The following KIF2A variants were observed in gnomAD, a reference collection of about 807,000 sequenced individuals.
KIF2A encodes kinesin family member 2A, also known as kinesin-like protein KIF2A.
In KIF2A, 22 loss-of-function variants were observed where a neutral mutation model predicts 100.2. The observed-to-expected ratio is 0.22, with a 90% CI of 0.16 to 0.31. The LOEUF is 0.31. KIF2A is among the 10% of genes least tolerant of loss of function. The pLI, the probability that KIF2A is intolerant of heterozygous loss-of-function variation, is 1.00. For synonymous variants in KIF2A, 268 were observed against 285.9 expected, an observed-to-expected ratio of 0.94 and a Z score of 0.63; for missense variants, 495 against 898.7, an observed-to-expected ratio of 0.55 and a Z score of 5.74.
At chr5:62,323,284 A>G (rs926718853) in intron 1 of KIF2A, among the ~76,000 whole-genome samples, 5 of 151,876 alleles carry the variant, frequency 3.3e-5, no homozygotes, top group African/African-American at 1.2e-4. Context: ...GAAAGATGGA[A>G]AAATAAATGT....
At chr5:62,341,349 G>A (rs1225343757) in intron 1 of KIF2A, among the ~76,000 whole-genome samples, 1 of 151,394 alleles carries the variant, frequency 6.6e-6, no homozygotes, top group South Asian at 2.1e-4. Context: ...TGCCCAAGCT[G>A]GAGTGCCGTG....
chr5:62,348,262 G>GT (rs1331162098), intron 3 of KIF2A, 95 bp downstream of exon 3: 2 of 1,305,008 alleles, frequency 1.5e-6, no homozygotes, highest in Non-Finnish European at 2.1e-6. Context: ...GCTTTGAAGA[G>GT]TTTAAGAATT....
At chr5:62,363,355 G>A (rs769229695) in intron 13 of KIF2A, 35 bp downstream of exon 13, 11 of 1,590,904 alleles carry the variant, frequency 6.9e-6, no homozygotes, top group Non-Finnish European at 9.4e-6. Flanking sequence ...GGAAACATCA[G>A]TTTTAGAAAC....
chr5:62,323,387 G>T (rs1232547305), intron 1 of KIF2A, among the ~76,000 whole-genome samples: 79 of 152,070 alleles, frequency 5.2e-4, no homozygotes, highest in Non-Finnish European at 1.5e-4. Context: ...GCCGGGCGCG[G>T]CGGCGGGCGC....
intron 1 of KIF2A, among the ~76,000 whole-genome samples, chr5:62,341,977 G>T (rs994485866): frequency 6.6e-6 from 1 of 151,654 alleles, no homozygotes; most frequent in African/African-American, 2.4e-5. Context: ...CCTCAACCAC[G>T]GCCTCTTCAT....
In KIF2A at chr5:62,373,767, A is replaced by G; in HGVS notation, c.1841A>G (p.Asp614Gly). The G allele has an allele frequency of 1.2e-6, 2 of 1,613,144 alleles. No individual in the cohort carries two copies. Among genetic ancestry groups the G allele is most frequent in the South Asian group, 1.1e-5 (1 of 91,064 alleles). Reference sequence around the variant, plus strand: ...CACCATCCACCAAACCAGATTGATGACTTAGAGACACAGTGGGGTGTGGGG... The same window carrying G: ...CACCATCCACCAAACCAGATTGATGGCTTAGAGACACAGTGGGGTGTGGGG... ...IMHHPPNQID[D>G]LETQWGVGSS... is the part of the protein sequence containing the mutation. Residue 614 changes from aspartate (D) to glycine (G), a missense_variant, in exon 18 of 21, where the codon GAC (aspartate) becomes GGC (glycine). Around this residue, in one of 10 missense-constraint regions of KIF2A, gnomAD observed 100 missense variants for 138.2 expected, o/e 0.72. Transcript: ENST00000407818.
At chr5:62,367,719 T>C (rs551915584) in intron 16 of KIF2A, among the ~76,000 whole-genome samples, 2 of 152,342 alleles carry the variant, frequency 1.3e-5, no homozygotes, top group East Asian at 3.9e-4. Flanking sequence ...GAAATGCCTT[T>C]GGAACTTTGA....
rs1408051142 is a variant in KIF2A at position 62,388,231 on chromosome 5, A to G, written c.*2662A>G. On this transcript the variant is annotated 3_prime_UTR_variant, in exon 21 of 21. Coordinates refer to ENST00000407818, the MANE Select transcript of KIF2A (RefSeq NM_001098511.3). ...GAAATGGCTGTTTTTCTGAAGTTGA[A>G]ACCAGTTTCAATTACAAAACCCTCT... is the stretch of plus-strand genomic sequence containing the variant. 2 of 152,204 alleles carry G rather than the reference A, an allele frequency of 1.3e-5. No homozygotes were observed. The highest frequency in any genetic ancestry group is 3.8e-4 in the East Asian group (2 of 5,206). The allele number at this position is 152,204 out of a possible 1,614,324, so 9.4% of individuals were successfully genotyped here. A position where few individuals can be genotyped will look rare whatever the true frequency, so the allele number is the denominator to read the frequency against.
intron 16 of KIF2A, among the ~76,000 whole-genome samples, chr5:62,368,429 A>G: frequency 6.6e-6 from 1 of 152,160 alleles, no homozygotes; most frequent in Non-Finnish European, 1.5e-5. Flanking sequence ...GTTGGACAAT[A>G]TCAACCTATT....
intron 4 of KIF2A, 33 bp downstream of exon 4, chr5:62,350,153 A>G (rs1190849047): frequency 1.6e-6 from 2 of 1,289,350 alleles, no homozygotes; most frequent in African/African-American, 1.5e-5. Flanking sequence ...AATTTTGGCT[A>G]TTGACTTCTT....
chr5:62,367,553 C>A (rs1443471893), intron 16 of KIF2A, among the ~76,000 whole-genome samples: 3 of 152,106 alleles, frequency 2.0e-5, no homozygotes, highest in African/African-American at 7.2e-5. Context: ...AGGCGTGAGC[C>A]ACCCCGCCTG....
intron 11 of KIF2A, chr5:62,362,230 A>AAC (rs930950596): frequency 3.5e-5 from 6 of 172,740 alleles, no homozygotes; most frequent in Non-Finnish European, 7.5e-5. Flanking sequence ...TATAAATATT[A>AAC]ATATATATAA....
At chr5:62,371,365 A>G (rs1741317706) in intron 16 of KIF2A, among the ~76,000 whole-genome samples, 1 of 152,262 alleles carries the variant, frequency 6.6e-6, no homozygotes, top group Admixed American at 6.5e-5. Flanking sequence ...ATTAACCAAT[A>G]GGTCAAAGAA....
chr5:62,328,499 TC>T (rs761149521), intron 1 of KIF2A, among the ~76,000 whole-genome samples: 6 of 150,686 alleles, frequency 4.0e-5, no homozygotes, highest in Non-Finnish European at 4.4e-5. Flanking sequence ...GATTTAATAC[TC>T]TTTTTTTTGA....
intron 9 of KIF2A, among the ~76,000 whole-genome samples, chr5:62,359,179 A>G (rs1276134757): frequency 6.6e-6 from 1 of 152,168 alleles, no homozygotes; most frequent in Non-Finnish European, 1.5e-5. Context: ...TGGTATCTCA[A>G]ATTTTTATGC....
chr5:62,349,145 T>C (rs1217629733), intron 3 of KIF2A, among the ~76,000 whole-genome samples: 4 of 152,196 alleles, frequency 2.6e-5, no homozygotes, highest in Admixed American at 2.0e-4. Flanking sequence ...GGGATCTTCA[T>C]TGGAGGATTT....
chr5:62,316,979 ATG>A (rs1745846384), intron 1 of KIF2A, among the ~76,000 whole-genome samples: 1 of 152,056 alleles, frequency 6.6e-6, no homozygotes, highest in Non-Finnish European at 1.5e-5. Flanking sequence ...CTATTGGCCA[ATG>A]TTAGAAGAAA....
At position 62,390,956 on chromosome 5, in the gene KIF2A, T is replaced by C. The variant is rs759545716; in HGVS notation, c.*5387T>C. 3 of 1,613,088 alleles carry C rather than the reference T, an allele frequency of 1.9e-6. No homozygotes were observed. Among genetic ancestry groups the C allele is most frequent in the South Asian group, 2.2e-5 (2 of 91,042 alleles). ...TGGTTAGGATTTGCTGTATTTTATC[T>C]GCTATGCTGAAATCTTCTGGTATTA... On this transcript the variant is annotated 3_prime_UTR_variant, in exon 21 of 21. Transcript: ENST00000407818.
chr5:62,378,301 T>C (rs1260844653), intron 19 of KIF2A, among the ~76,000 whole-genome samples: 4 of 152,214 alleles, frequency 2.6e-5, no homozygotes, highest in Non-Finnish European at 4.4e-5. Flanking sequence ...ATTTACTATA[T>C]GATACTCTAC....
Sources: gnomAD v4.1 joint callset for allele counts (sites outside exome capture counted in the v4.1 genomes callset) on GRCh38, gnomAD v4.1.1 for gene constraint, gnomAD v4.1.1 regional missense constraint, MANE v1.5 for transcripts, NCBI Gene and HGNC (gene_info 2026-07-23, HGNC 2026-07-21) for gene names.